The following SIK3 variants were observed in gnomAD, a reference collection of about 807,000 sequenced individuals.
SIK3 encodes the protein SIK family kinase 3, also known as serine/threonine-protein kinase SIK3.
In SIK3, 28 loss-of-function variants were observed where a neutral mutation model predicts 144.2. The ratio of observed to expected loss-of-function variants is 0.19; its 90% confidence interval spans 0.14 to 0.27. The LOEUF (loss-of-function observed/expected upper bound fraction) is 0.27. Among genes scored for constraint, SIK3 ranks in the 10% least tolerant of loss-of-function variants. The pLI, the probability that SIK3 is intolerant of heterozygous loss-of-function variation, is 1.00. For synonymous variants in SIK3, 686 were observed against 676.3 expected (o/e 1.01, Z -0.22); for missense variants, 1,319 against 1,776.0 (o/e 0.74, Z 4.62).
At chr11:117,085,192 C>T (rs1184666482) in intron 1 of SIK3, among the ~76,000 whole-genome samples, 1 of 152,014 alleles carries the variant, frequency 6.6e-6, no homozygotes, top group East Asian at 1.9e-4. Context: ...GTTTACTGCA[C>T]TGTAATCTGG....
At chr11:117,076,022 C>T (rs746054642) in intron 1 of SIK3, among the ~76,000 whole-genome samples, 10 of 151,138 alleles carry the variant, frequency 6.6e-5, no homozygotes, top group Non-Finnish European at 1.3e-4. Context: ...CTAATTTTTG[C>T]ATATTTAGTA....
intron 2 of SIK3, 137 bp from the exon 3 acceptor site, chr11:116,954,244 G>T: frequency 1.5e-6 from 1 of 655,890 alleles, no homozygotes; most frequent in South Asian, 2.0e-5. Context: ...AACATTTTTG[G>T]GGAAACAAAT....
Position 116,865,509 on chromosome 11 carries a change from C to T in SIK3, c.1953-1691G>A, listed in dbSNP as rs1369313004. 2.0e-5 allele frequency among the ~76,000 whole-genome samples: 3 copies of T among 152,132 alleles called. No individual in the cohort carries two copies. The East Asian group carries it at 5.8e-4, about 29-fold the overall frequency. On this transcript the variant is annotated intron_variant, in intron 15 of 24. Coordinates refer to ENST00000445177, the MANE Select transcript of SIK3 (RefSeq NM_001366686.3). ...ATCACACTCAAATTCAGGATGGCCT[C>T]GCATTAGGCTGATACTCCCACACTA...
intron 4 of SIK3, among the ~76,000 whole-genome samples, chr11:116,918,913 T>C (rs950020263): frequency 2.0e-5 from 3 of 152,202 alleles, no homozygotes; most frequent in Non-Finnish European, 2.9e-5. Flanking sequence ...GAAGGTTATT[T>C]AGAGCCGCTT....
intron 4 of SIK3, among the ~76,000 whole-genome samples, chr11:116,912,395 G>A (rs1337495443): frequency 6.6e-6 from 1 of 152,176 alleles, no homozygotes; most frequent in African/African-American, 2.4e-5. Context: ...ATAAATCAGG[G>A]CAACTGCAAC....
chr11:117,086,994 C>CAAAA (rs907856897), intron 1 of SIK3, among the ~76,000 whole-genome samples: 2 of 66,748 alleles, frequency 3.0e-5, no homozygotes, highest in African/African-American at 5.0e-5. Context: ...GACTCCATCT[C>CAAAA]AAAAAAAAAA....
At chr11:117,080,341 T>C (rs929889748) in intron 1 of SIK3, among the ~76,000 whole-genome samples, 1 of 152,140 alleles carries the variant, frequency 6.6e-6, no homozygotes, top group Non-Finnish European at 1.5e-5. Context: ...TACATGATTT[T>C]AAGCACTCAT....
intron 23 of SIK3, 73 bp downstream of exon 23, chr11:116,847,403 G>A: frequency 1.9e-6 from 3 of 1,595,990 alleles, no homozygotes; most frequent in Non-Finnish European, 2.6e-6. Flanking sequence ...ACGAAGAGAG[G>A]AGCAGTTACG....
At chr11:117,083,639 C>T (rs891336355) in intron 1 of SIK3, among the ~76,000 whole-genome samples, 2 of 152,244 alleles carry the variant, frequency 1.3e-5, no homozygotes, top group African/African-American at 4.8e-5. Context: ...AATATTAGAA[C>T]ATTCTAACAG....
At position 116,916,425 on chromosome 11, in the gene SIK3, C is replaced by T. The variant is rs991154117; in HGVS notation, c.616+10794G>A. 6.6e-5 allele frequency among the ~76,000 whole-genome samples: 10 copies of T among 152,238 alleles called. No homozygotes were observed. In the South Asian group the frequency reaches 1.7e-3, roughly 25 times the overall value. On this transcript the variant is annotated intron_variant, in intron 4 of 24. Transcript: ENST00000445177. ...TATAATGGGGACCTTTACTAATATT[C>T]TGCCACCTTGCAAAGGCTTGCCTAA...
At chr11:116,882,350 A>G (rs1944592809) in intron 6 of SIK3, among the ~76,000 whole-genome samples, 1 of 152,190 alleles carries the variant, frequency 6.6e-6, no homozygotes. Context: ...GAAGACTATG[A>G]TGGAAGGCTT....
At chr11:116,993,482 T>C (rs979743299) in intron 1 of SIK3, among the ~76,000 whole-genome samples, 1 of 152,216 alleles carries the variant, frequency 6.6e-6, no homozygotes, top group Non-Finnish European at 1.5e-5. Context: ...TGAAACCCTG[T>C]TATAACTGAC....
chr11:117,077,928 A>G (rs1191561460), intron 1 of SIK3, among the ~76,000 whole-genome samples: 1 of 152,244 alleles, frequency 6.6e-6, no homozygotes, highest in Admixed American at 6.5e-5. Context: ...TAATAATTCT[A>G]AAATCCACGG....
At chr11:116,981,769 T>G (rs1475426076) in intron 1 of SIK3, among the ~76,000 whole-genome samples, 1 of 152,186 alleles carries the variant, frequency 6.6e-6, no homozygotes, top group Admixed American at 6.5e-5. Flanking sequence ...TCCCAGCACT[T>G]TGGGAGGCCG....
intron 6 of SIK3, among the ~76,000 whole-genome samples, chr11:116,885,948 A>C (rs1944794724): frequency 1.3e-5 from 2 of 152,246 alleles, no homozygotes; most frequent in African/African-American, 4.8e-5. Flanking sequence ...GTAATGCAAC[A>C]GTGCCTGGTA....
intron 1 of SIK3, among the ~76,000 whole-genome samples, chr11:116,990,889 C>T (rs1185563273): frequency 6.6e-6 from 1 of 152,194 alleles, no homozygotes; most frequent in African/African-American, 2.4e-5. Context: ...CCTTCACATT[C>T]CATTAATTTT....
intron 1 of SIK3, among the ~76,000 whole-genome samples, chr11:117,017,440 T>C (rs1401947135): frequency 1.3e-5 from 2 of 152,220 alleles, no homozygotes; most frequent in African/African-American, 4.8e-5. Context: ...TATACACTTT[T>C]CAGTATACCT....
intron 1 of SIK3, among the ~76,000 whole-genome samples, chr11:117,030,500 A>G (rs1197597976): frequency 6.6e-6 from 1 of 152,198 alleles, no homozygotes; most frequent in African/African-American, 2.4e-5. Flanking sequence ...GCAAGACACA[A>G]CTGCATATTC....
chr11:116,980,526 T>A (rs1950102325), intron 1 of SIK3, among the ~76,000 whole-genome samples: 1 of 152,220 alleles, frequency 6.6e-6, no homozygotes. Context: ...TTCTACTGAA[T>A]GAATATCACT....
Sources: gnomAD v4.1 joint callset for allele counts (sites outside exome capture counted in the v4.1 genomes callset) on GRCh38, gnomAD v4.1.1 for gene constraint, MANE v1.5 for transcripts, NCBI Gene and HGNC (gene_info 2026-07-23, HGNC 2026-07-21) for gene names.